The following ACCSL variants were observed in gnomAD, a reference collection of about 807,000 sequenced individuals.
ACCSL encodes 1-aminocyclopropane-1-carboxylate synthase homolog (inactive) like.
In ACCSL, 55 loss-of-function variants were observed where a neutral mutation model predicts 61.7. That is an observed-to-expected ratio of 0.89 (90% CI 0.72 to 1.12). ACCSL has a LOEUF of 1.12. Among genes scored for constraint, ACCSL ranks in the 50% most tolerant of loss-of-function variants. ACCSL has a pLI of 0.00. For synonymous variants in ACCSL, 258 were observed against 264.3 expected (o/e 0.98, Z 0.23); for missense variants, 632 against 698.0 (o/e 0.91, Z 1.07).
At chr11:43,967,035 T>G in the ACCSL span, among the ~76,000 whole-genome samples, 74 of 152,228 alleles carry the variant, frequency 4.9e-4, no homozygotes, top group African/African-American at 1.7e-3. Flanking sequence ...TCTCATTATA[T>G]TCACTTTTCT....
At chr11:44,001,316 A>G in the ACCSL span, among the ~76,000 whole-genome samples, 1 of 151,622 alleles carries the variant, frequency 6.6e-6, no homozygotes, top group South Asian at 2.1e-4. Flanking sequence ...TGCATTCAGG[A>G]GCAAAGCAAG....
chr11:44,010,243 G>A, the ACCSL span, among the ~76,000 whole-genome samples: 4 of 152,160 alleles, frequency 2.6e-5, no homozygotes, highest in Non-Finnish European at 4.4e-5. Context: ...GGGAGGCTGA[G>A]GCAGGAGAAT....
At chr11:44,026,897 T>C in the ACCSL span, among the ~76,000 whole-genome samples, 4 of 152,174 alleles carry the variant, frequency 2.6e-5, no homozygotes, top group African/African-American at 9.7e-5. Flanking sequence ...GCCTGGCTAA[T>C]TTTGTATTTT....
At chr11:44,019,593 GTTAT>G in the ACCSL span, among the ~76,000 whole-genome samples, 1 of 152,074 alleles carries the variant, frequency 6.6e-6, no homozygotes, top group African/African-American at 2.4e-5. Flanking sequence ...TAAAAATTAG[GTTAT>G]TTGTCTTGTT....
chr11:43,931,872 T>A, the ACCSL span, among the ~76,000 whole-genome samples: 11 of 152,174 alleles, frequency 7.2e-5, no homozygotes, highest in Non-Finnish European at 1.6e-4. Context: ...TCAAACAGGG[T>A]GCACCAGGAG....
At chr11:44,051,190 G>A (rs1952635828) in intron 3 of ACCSL, 145 bp from the exon 4 acceptor site, 1 of 795,944 alleles carries the variant, frequency 1.3e-6, no homozygotes, top group Non-Finnish European at 2.2e-6. Context: ...TGTGACTTGG[G>A]GAGTTGATGG....
At chr11:43,944,123 G>T in the ACCSL span, 3 of 332,374 alleles carry the variant, frequency 9.0e-6, no homozygotes, top group African/African-American at 6.5e-5. Flanking sequence ...CCCCATCGCC[G>T]GCATCCGGGC....
the ACCSL span, among the ~76,000 whole-genome samples, chr11:44,021,904 C>T: frequency 1.3e-5 from 2 of 152,000 alleles, no homozygotes; most frequent in Non-Finnish European, 2.9e-5. Context: ...TTTTTGTTTG[C>T]TTTGTTGAAG....
the ACCSL span, among the ~76,000 whole-genome samples, chr11:44,012,701 T>C: frequency 6.6e-6 from 1 of 152,364 alleles, no homozygotes; most frequent in Non-Finnish European, 1.5e-5. Context: ...TACTTGAAGT[T>C]GTGTGCAGAG....
At chr11:44,059,615 C>T (rs1456420887) in intron 13 of ACCSL, among the ~76,000 whole-genome samples, 2 of 152,168 alleles carry the variant, frequency 1.3e-5, no homozygotes, top group East Asian at 1.9e-4. Flanking sequence ...GGCTTTGATA[C>T]AAGACATTGA....
At chr11:43,926,677 G>C in the ACCSL span, 1 of 308,354 alleles carries the variant, frequency 3.2e-6, no homozygotes, top group East Asian at 8.7e-5. Flanking sequence ...TTCTTTGCAA[G>C]AAATTAAAAA....
At chr11:43,934,178 T>G in the ACCSL span, among the ~76,000 whole-genome samples, 1 of 152,178 alleles carries the variant, frequency 6.6e-6, no homozygotes, top group Non-Finnish European at 1.5e-5. Context: ...GGAGATTGCC[T>G]GGGATTGTCA....
chr11:44,050,236 G>A, intron 2 of ACCSL, 115 bp downstream of exon 2: 1 of 885,762 alleles, frequency 1.1e-6, no homozygotes, highest in Non-Finnish European at 1.9e-6. Context: ...GAAGAGGAGT[G>A]AAGAAATAGC....
chr11:44,013,888 C>T, the ACCSL span, among the ~76,000 whole-genome samples: 2 of 152,184 alleles, frequency 1.3e-5, no homozygotes, highest in African/African-American at 4.8e-5. Flanking sequence ...TGGGTTTTCA[C>T]AGCCTGCAGA....
the ACCSL span, among the ~76,000 whole-genome samples, chr11:44,028,817 G>C: frequency 3.3e-5 from 5 of 152,330 alleles, no homozygotes; most frequent in East Asian, 9.6e-4. Flanking sequence ...CTTGTGATGA[G>C]GGTCATGTGG....
the ACCSL span, chr11:43,925,385 C>T: frequency 8.8e-6 from 4 of 456,108 alleles, no homozygotes; most frequent in African/African-American, 2.0e-5. Flanking sequence ...CCTACTGGGA[C>T]AGCCCTCCAA....
At chr11:44,049,186 A>G (rs1952619726) in intron 1 of ACCSL, among the ~76,000 whole-genome samples, 1 of 152,046 alleles carries the variant, frequency 6.6e-6, no homozygotes, top group African/African-American at 2.4e-5. Flanking sequence ...TTGGGAGGCC[A>G]AGGTTGGTGG....
At chr11:43,922,650 A>G in the ACCSL span, among the ~76,000 whole-genome samples, 2 of 152,252 alleles carry the variant, frequency 1.3e-5, no homozygotes, top group South Asian at 4.1e-4. Context: ...ACTTTCCTTG[A>G]TTTTCTGGCA....
the ACCSL span, among the ~76,000 whole-genome samples, chr11:43,923,061 C>G: frequency 6.6e-6 from 1 of 152,188 alleles, no homozygotes; most frequent in Non-Finnish European, 1.5e-5. Context: ...TTGTGGCACC[C>G]ACTCTCTGCC....
Sources: allele counts gnomAD v4.1 joint callset (sites outside exome capture counted in the v4.1 genomes callset), GRCh38; gene constraint gnomAD v4.1.1; transcripts MANE v1.5; gene names NCBI Gene and HGNC (gene_info 2026-07-23, HGNC 2026-07-21).